The following FRMPD2 variants were observed in gnomAD, a reference collection of about 807,000 sequenced individuals.
FRMPD2 encodes FERM and PDZ domain containing 2.
Under a neutral mutation model 140.1 loss-of-function variants are expected in FRMPD2, and 96 were observed. That is an observed-to-expected ratio of 0.69 (90% CI 0.58 to 0.81). FRMPD2 has a LOEUF of 0.81. Ranked by LOEUF, FRMPD2 falls within the 40% of genes least tolerant of loss-of-function variation. FRMPD2 has a pLI of 0.00. For synonymous variants in FRMPD2, 449 were observed against 547.6 expected, an observed-to-expected ratio of 0.82 and a Z score of 2.52; for missense variants, 1,240 against 1,447.4, an observed-to-expected ratio of 0.86 and a Z score of 2.32.
intron 27 of FRMPD2, among the ~76,000 whole-genome samples, chr10:48,166,490 C>A: frequency 8.7e-6 from 1 of 114,914 alleles, no homozygotes. Flanking sequence ...AGCCCAGTGG[C>A]TTCCCACTGC....
At chr10:48,184,258 A>G (rs1412669092) in intron 20 of FRMPD2, among the ~76,000 whole-genome samples, 1 of 151,876 alleles carries the variant, frequency 6.6e-6, no homozygotes, top group Non-Finnish European at 1.5e-5. Flanking sequence ...GGGTGGCAAT[A>G]AAAAGGTCCT....
Position 48,181,887 on chromosome 10 carries a change from TAC to T in FRMPD2, c.2585-881_2585-880del, listed in dbSNP as rs56127751. ...TATATATATATATATATGGCTCTCA[TAC>T]ACACACACACACACACACACACAGA... On this transcript the variant is annotated intron_variant, in intron 20 of 28. Transcript: ENST00000374201. 1.1e-3 allele frequency among the ~76,000 whole-genome samples: 124 copies of T among 111,528 alleles called. 2 individuals are homozygous for T. Among genetic ancestry groups the T allele is most frequent in the Non-Finnish European group, 1.7e-3 (92 of 52,834 alleles). The allele number at this position is 111,528 out of a possible 152,430, so 73.2% of individuals were successfully genotyped here.
chr10:48,188,056 A>G lies in FRMPD2; in HGVS notation c.2166-764T>C, dbSNP rs116269694. 5.7e-3 allele frequency among the ~76,000 whole-genome samples: 871 copies of G among 152,354 alleles called. 5 individuals carry two copies. The highest frequency in any genetic ancestry group is 0.019 in the African/African-American group (787 of 41,574). ...TAGATTGAGAGGGAACAATTGATGTAAAGCTGTGGGTCTCAGAGCCCTGGA... is the reference window on the plus strand; with the variant it reads ...TAGATTGAGAGGGAACAATTGATGTGAAGCTGTGGGTCTCAGAGCCCTGGA... On this transcript the variant is annotated intron_variant, in intron 16 of 28. Coordinates refer to ENST00000374201, the MANE Select transcript of FRMPD2 (RefSeq NM_001018071.4).
intron 16 of FRMPD2, among the ~76,000 whole-genome samples, chr10:48,191,619 A>T (rs1838831918): frequency 6.6e-6 from 1 of 152,212 alleles, no homozygotes; most frequent in Non-Finnish European, 1.5e-5. Flanking sequence ...ATACACACAT[A>T]GACTTTCAGT....
At chr10:48,217,025 T>C (rs985966385) in intron 12 of FRMPD2, among the ~76,000 whole-genome samples, 5 of 152,176 alleles carry the variant, frequency 3.3e-5, no homozygotes, top group African/African-American at 7.2e-5. Context: ...TCTGAGACAC[T>C]GCCTCCCTGG....
chr10:48,201,227 C>T lies in FRMPD2; in HGVS notation c.1954+1G>A. The T allele has an allele frequency of 6.2e-7, 1 of 1,602,150 alleles. No homozygotes were observed. ...ATATGGAGAATACAGCTTCTACTCA[C>T]CAAATAAAACATGGGAAGGCTGCCC... On this transcript the variant is annotated splice_donor_variant, in intron 15 of 28. Transcript: ENST00000374201. LOFTEE classifies it high-confidence loss of function.
intron 16 of FRMPD2, among the ~76,000 whole-genome samples, chr10:48,190,797 C>T (rs763306790): frequency 1.3e-5 from 2 of 152,210 alleles, no homozygotes; most frequent in Non-Finnish European, 2.9e-5. Context: ...AGGCCAGCAA[C>T]CATGCAACAC....
At chr10:48,196,653 G>T (rs185503415) in intron 15 of FRMPD2, among the ~76,000 whole-genome samples, 1 of 152,186 alleles carries the variant, frequency 6.6e-6, no homozygotes, top group Admixed American at 6.5e-5. Context: ...CTTGAGGGGT[G>T]TGTGGGACCA....
intron 12 of FRMPD2, among the ~76,000 whole-genome samples, chr10:48,221,529 C>A (rs1357015575): frequency 6.6e-6 from 1 of 152,030 alleles, no homozygotes; most frequent in Non-Finnish European, 1.5e-5. Context: ...GTAATCAACA[C>A]TAAAAAACTT....
Position 48,157,185 on chromosome 10 carries a change from G to A in FRMPD2, c.*137C>T. On this transcript the variant is annotated 3_prime_UTR_variant, in exon 29 of 29. Transcript: ENST00000374201. ...GTGAAGCTCATTATCTGGTGATGCA[G>A]CCGCAGACGTAATGGTCAAAGAACA... 1.4e-6 allele frequency: 1 copy of A among 714,854 alleles called. No individual in the cohort carries two copies. Among genetic ancestry groups the A allele is most frequent in the Non-Finnish European group, 2.6e-6 (1 of 383,274 alleles). 44.3% of individuals were successfully genotyped at this position (714,854 alleles called of 1,614,324 possible).
At chr10:48,227,080 T>C (rs2131914167) in intron 10 of FRMPD2, among the ~76,000 whole-genome samples, 1 of 152,284 alleles carries the variant, frequency 6.6e-6, no homozygotes, top group East Asian at 1.9e-4. Flanking sequence ...TATCTATGGA[T>C]AGTGCCTAGC....
At chr10:48,241,228 T>A (rs190045224) in intron 5 of FRMPD2, among the ~76,000 whole-genome samples, 1 of 152,300 alleles carries the variant, frequency 6.6e-6, no homozygotes, top group African/African-American at 2.4e-5. Flanking sequence ...CTGTTGCCGC[T>A]GTCCACCCTG....
intron 2 of FRMPD2, among the ~76,000 whole-genome samples, 155 bp downstream of exon 2, chr10:48,251,411 T>C (rs1206264944): frequency 2.0e-5 from 3 of 152,256 alleles, no homozygotes; most frequent in Non-Finnish European, 2.9e-5. Context: ...CTACTCATTC[T>C]AATACCTCAG....
At chr10:48,187,367 G>C in intron 16 of FRMPD2, 75 bp from the exon 17 acceptor site, 1 of 1,276,306 alleles carries the variant, frequency 7.8e-7, no homozygotes, top group Non-Finnish European at 1.1e-6. Context: ...AGGTGGCTCA[G>C]GGAGGCAACT....
intron 9 of FRMPD2, 33 bp from the exon 10 acceptor site, chr10:48,232,322 A>C (rs377026038): frequency 1.3e-6 from 2 of 1,500,678 alleles, no homozygotes; most frequent in African/African-American, 1.4e-5. Context: ...TTATACTACA[A>C]TTATAAGTCA....
chr10:48,209,399 T>C (rs1388552993), intron 13 of FRMPD2, among the ~76,000 whole-genome samples: 1 of 152,232 alleles, frequency 6.6e-6, no homozygotes, highest in Non-Finnish European at 1.5e-5. Flanking sequence ...CAGACTATGG[T>C]ATTCAGCGCT....
At chr10:48,199,718 G>A (rs1839037190) in intron 15 of FRMPD2, 1 of 152,182 alleles carries the variant, frequency 6.6e-6, no homozygotes, top group Non-Finnish European at 1.5e-5. Flanking sequence ...GAGTGATACA[G>A]CAGACGGCTG....
At chr10:48,227,790 T>C (rs959773490) in intron 10 of FRMPD2, among the ~76,000 whole-genome samples, 2 of 152,216 alleles carry the variant, frequency 1.3e-5, no homozygotes, top group African/African-American at 2.4e-5. Context: ...TTAACTGTTT[T>C]CTCAGAAAAA....
intron 14 of FRMPD2, among the ~76,000 whole-genome samples, chr10:48,202,489 T>C (rs977658997): frequency 4.6e-5 from 7 of 152,248 alleles, no homozygotes; most frequent in Admixed American, 2.6e-4. Context: ...ATTCTCTGTA[T>C]ACTCTTTACT....
Sources: gnomAD v4.1 joint callset for allele counts (sites outside exome capture counted in the v4.1 genomes callset) on GRCh38, gnomAD v4.1.1 for gene constraint, MANE v1.5 for transcripts, NCBI Gene and HGNC (gene_info 2026-07-23, HGNC 2026-07-21) for gene names.